USP8: variants seen among roughly 807,000 people sequenced by gnomAD.
The protein encoded by USP8 is ubiquitin specific peptidase 8, also known as ubiquitin carboxyl-terminal hydrolase 8.
USP8 carries 27 observed loss-of-function variants against 130.0 expected under a neutral mutation model. That is an observed-to-expected ratio of 0.21 (90% CI 0.15 to 0.29). The LOEUF is 0.29. Ranked by LOEUF, USP8 falls within the 10% of genes least tolerant of loss-of-function variation. USP8 has a pLI of 1.00. For missense variants in USP8, 1,029 were observed against 1,312.2 expected, an observed-to-expected ratio of 0.78 and a Z score of 3.33; for synonymous variants, 392 against 444.1, an observed-to-expected ratio of 0.88 and a Z score of 1.48.
At chr15:50,449,894 T>TC (rs1447379470) in intron 4 of USP8, among the ~76,000 whole-genome samples, 5 of 134,898 alleles carry the variant, frequency 3.7e-5, no homozygotes, top group Non-Finnish European at 6.3e-5. Flanking sequence ...ATATTTCTTT[T>TC]TTTTTTTTTT....
intron 7 of USP8, among the ~76,000 whole-genome samples, chr15:50,470,298 T>A (rs149044198): frequency 6.6e-6 from 1 of 152,292 alleles, no homozygotes; most frequent in South Asian, 2.1e-4. Flanking sequence ...TTGTCTTATG[T>A]TGAGTGCCTT....
rs1430474258 is a variant in USP8, at chr15:50,499,799, G to GTCTT, written c.*713_*716dup. 1 of 151,950 alleles carries GTCTT rather than the reference G, an allele frequency of 6.6e-6. No individual in the cohort carries two copies. The highest frequency in any genetic ancestry group is 1.5e-5 in the Non-Finnish European group (1 of 67,968). The allele number at this position is 151,950 out of a possible 1,614,324, so 9.4% of individuals were successfully genotyped here. Reference sequence around the variant, plus strand: ...TAATTTATAACCCTGTGGGTGTTCTGTCTTTAATATTGTATTATCAAATAT... The same window carrying GTCTT: ...TAATTTATAACCCTGTGGGTGTTCTGTCTTTCTTTAATATTGTATTATCAAATAT... On this transcript the variant is annotated 3_prime_UTR_variant, in exon 20 of 20. Coordinates refer to ENST00000307179, the MANE Select transcript of USP8 (RefSeq NM_005154.5).
chr15:50,454,003 C>T (rs529472517), intron 4 of USP8, among the ~76,000 whole-genome samples: 1 of 151,664 alleles, frequency 6.6e-6, no homozygotes, highest in South Asian at 2.1e-4. Context: ...GCTGGGACTA[C>T]AGGCGCACAC....
rs2052757799 is a variant in USP8, at chr15:50,513,041, G to T, written c.*13953G>T. 6.6e-6 allele frequency: 1 copy of T among 152,056 alleles called. No individual in the cohort carries two copies. The highest frequency in any genetic ancestry group is 6.6e-5 in the Admixed American group (1 of 15,250). 9.4% of individuals were successfully genotyped at this position (152,056 alleles called of 1,614,324 possible). A position where few individuals can be genotyped will look rare whatever the true frequency, so the allele number is the denominator to read the frequency against. ...CCCAGTTTGTAAAAAATGTGCAAAAGACAAATATTTCATACAATAGGAAAA... is the reference window on the plus strand; with the variant it reads ...CCCAGTTTGTAAAAAATGTGCAAAATACAAATATTTCATACAATAGGAAAA... On this transcript the variant is annotated 3_prime_UTR_variant, in exon 20 of 20. Coordinates refer to ENST00000307179, the MANE Select transcript of USP8 (RefSeq NM_005154.5).
chr15:50,500,599 C>A lies in USP8; in HGVS notation c.*1511C>A. ...GTTTAATGACCAAGCAAAACTCTAC[C>A]ACCAGATGCTGACTGCTTGTTTTGC... On this transcript the variant is annotated 3_prime_UTR_variant, in exon 20 of 20. Coordinates refer to ENST00000307179, the MANE Select transcript of USP8 (RefSeq NM_005154.5). 1.7e-6 allele frequency: 1 copy of A among 572,776 alleles called. No individual in the cohort carries two copies. The highest frequency in any genetic ancestry group is 2.3e-5 in the South Asian group (1 of 44,410). 35.5% of individuals were successfully genotyped at this position (572,776 alleles called of 1,614,324 possible).
In USP8 at chr15:50,439,182, G is replaced by A; in HGVS notation, c.104+5G>A. ...AGAGAAAATAAGCACTAAGAGGTAT[G>A]ATGTATCCTTCGCTAGTTTGATTGA... On this transcript the variant is annotated splice_donor_5th_base_variant and intron_variant, in intron 2 of 19. Coordinates refer to ENST00000307179, the MANE Select transcript of USP8 (RefSeq NM_005154.5). 1 of 1,456,996 alleles carries A rather than the reference G, an allele frequency of 6.9e-7. No homozygotes were observed. The allele number at this position is 1,456,996 out of a possible 1,614,324, so 90.3% of individuals were successfully genotyped here.
chr15:50,488,101 G>T (rs139729275), intron 12 of USP8, among the ~76,000 whole-genome samples: 2 of 152,294 alleles, frequency 1.3e-5, no homozygotes, highest in African/African-American at 4.8e-5. Flanking sequence ...TTGAAGCACA[G>T]AAGTTTTTGT....
intron 3 of USP8, among the ~76,000 whole-genome samples, chr15:50,445,587 C>T (rs1384057747): frequency 4.1e-5 from 5 of 121,188 alleles, no homozygotes; most frequent in Non-Finnish European, 6.8e-5. Context: ...CACAGTGGCT[C>T]ACGCCTGTAG....
At position 50,511,008 on chromosome 15, in the gene USP8, G is replaced by C. The variant is rs977929875; in HGVS notation, c.*11920G>C. On this transcript the variant is annotated 3_prime_UTR_variant, in exon 20 of 20. Transcript: ENST00000307179. ...TTAGCCAGGATGGTCTCGATCTCCTGACCTCGTGATCCGCCTGCCTTGGCC... is the reference window on the plus strand; with the variant it reads ...TTAGCCAGGATGGTCTCGATCTCCTCACCTCGTGATCCGCCTGCCTTGGCC... 1 of 152,156 alleles carries C rather than the reference G, an allele frequency of 6.6e-6. No homozygotes were observed. The highest frequency in any genetic ancestry group is 2.4e-5 in the African/African-American group (1 of 41,426). 9.4% of individuals were successfully genotyped at this position (152,156 alleles called of 1,614,324 possible).
intron 5 of USP8, among the ~76,000 whole-genome samples, chr15:50,460,329 CAG>C (rs982538637): frequency 2.0e-5 from 2 of 99,634 alleles, no homozygotes; most frequent in African/African-American, 8.0e-5. Context: ...TTTTTTGAGA[CAG>C]AGTTTTACTC....
At chr15:50,484,157 C>T in intron 11 of USP8, 118 bp from the exon 12 acceptor site, 2 of 726,278 alleles carry the variant, frequency 2.8e-6, no homozygotes, top group Non-Finnish European at 4.2e-6. Context: ...TTTCAGAGGC[C>T]TTTTTTTTCT....
chr15:50,452,638 C>T (rs921205753), intron 4 of USP8, among the ~76,000 whole-genome samples: 9 of 152,122 alleles, frequency 5.9e-5, no homozygotes, highest in Admixed American at 1.3e-4. Context: ...GGTAAGTGTA[C>T]GGAGCCAGAC....
intron 1 of USP8, among the ~76,000 whole-genome samples, chr15:50,430,141 C>A (rs2049884370): frequency 1.3e-5 from 2 of 152,120 alleles, no homozygotes; most frequent in African/African-American, 4.8e-5. Flanking sequence ...TCCCCTGTAT[C>A]ACAACACTGC....
intron 1 of USP8, among the ~76,000 whole-genome samples, chr15:50,432,964 G>A (rs1160968413): frequency 1.3e-5 from 2 of 152,152 alleles, no homozygotes; most frequent in African/African-American, 2.4e-5. Flanking sequence ...TTCATTGGCC[G>A]GGCACGATGG....
Position 50,501,682 on chromosome 15 carries a change from C to T in USP8, c.*2594C>T, listed in dbSNP as rs1394676705. On this transcript the variant is annotated 3_prime_UTR_variant, in exon 20 of 20. Transcript: ENST00000307179. ...TCATTTTCCTTTTTCCATGTCTTTC[C>T]TAACCCAGTATTGTTTGGAACAAAG... is the stretch of plus-strand genomic sequence containing the variant. 6.6e-6 allele frequency: 1 copy of T among 152,072 alleles called. No individual in the cohort carries two copies. Among genetic ancestry groups the T allele is most frequent in the Non-Finnish European group, 1.5e-5 (1 of 68,014 alleles). The allele number at this position is 152,072 out of a possible 1,614,324, so 9.4% of individuals were successfully genotyped here. A position where few individuals can be genotyped will look rare whatever the true frequency, so the allele number is the denominator to read the frequency against.
chr15:50,457,434 G>A (rs907699228), intron 4 of USP8, among the ~76,000 whole-genome samples: 2 of 151,644 alleles, frequency 1.3e-5, no homozygotes, highest in Admixed American at 6.6e-5. Context: ...GGCACACACC[G>A]GTAGTCCCAG....
intron 8 of USP8, 37 bp from the exon 9 acceptor site, chr15:50,476,812 T>TG (rs780441554): frequency 2.0e-6 from 3 of 1,526,452 alleles, no homozygotes; most frequent in African/African-American, 1.4e-5. Context: ...GTTGAAAGAT[T>TG]GCTGCCCTAT....
intron 1 of USP8, among the ~76,000 whole-genome samples, chr15:50,432,900 A>C (rs2049975279): frequency 6.6e-6 from 1 of 152,230 alleles, no homozygotes; most frequent in Non-Finnish European, 1.5e-5. Context: ...GCAGTGATTA[A>C]ATCTTGAGAG....
At chr15:50,433,405 T>C (rs16963724) in intron 1 of USP8, among the ~76,000 whole-genome samples, 31,281 of 151,096 alleles carry the variant, frequency 0.21, 3,750 homozygotes, top group East Asian at 0.46. Context: ...CAAAGACAAC[T>C]TTTGCTTTCC....
Sources: allele counts gnomAD v4.1 joint callset (sites outside exome capture counted in the v4.1 genomes callset), GRCh38; gene constraint gnomAD v4.1.1; transcripts MANE v1.5; gene names NCBI Gene and HGNC (gene_info 2026-07-23, HGNC 2026-07-21).